BBX: variants seen among roughly 807,000 people sequenced by gnomAD.
BBX encodes HMG box transcription factor BBX.
In BBX, 30 loss-of-function variants were observed where a neutral mutation model predicts 100.2. The observed-to-expected ratio is 0.30, with a 90% confidence interval of 0.22 to 0.41. The LOEUF (loss-of-function observed/expected upper bound fraction) is 0.41. Ranked by LOEUF, BBX falls within the 10% of genes least tolerant of loss-of-function variation. The probability of loss-of-function intolerance (pLI) is 1.00; values close to 1 mark genes in which losing one functional copy is unlikely to be tolerated. For synonymous variants in BBX, 376 were observed against 388.1 expected (o/e 0.97, Z 0.37); for missense variants, 1,023 against 1,129.8 (o/e 0.91, Z 1.35).
chr3:107,774,850 C>A lies in BBX; in HGVS notation c.2047C>A (p.Leu683Ile). The change falls in exon 12 of 18, where the codon CTC (leucine) becomes ATC (isoleucine). Residue 683 changes from leucine to isoleucine, a missense_variant. Leu to Ile is a conservative substitution (Grantham distance 5). Transcript: ENST00000325805. ...GAAGACAAAGCCAAAAGAAGACTGT[C>A]TCCTTGGGTAAGTGCCTGTGAGCAC... ...FKKTKPKEDCLLGSAKLDEEF... is the reference protein window; with the variant it reads ...FKKTKPKEDCILGSAKLDEEF... The A allele has an allele frequency of 6.2e-7, 1 of 1,613,012 alleles. No homozygotes were observed. The highest frequency in any genetic ancestry group is 1.1e-5 in the South Asian group (1 of 90,994).
intron 3 of BBX, among the ~76,000 whole-genome samples, chr3:107,662,402 C>G (rs902887470): frequency 6.6e-6 from 1 of 152,122 alleles, no homozygotes; most frequent in Non-Finnish European, 1.5e-5. Context: ...GCTAACTTTA[C>G]TTCCAGTCTT....
intron 2 of BBX, among the ~76,000 whole-genome samples, chr3:107,604,872 G>T (rs1431056062): frequency 6.6e-6 from 1 of 151,958 alleles, no homozygotes; most frequent in Admixed American, 6.6e-5. Context: ...TTTATTACAT[G>T]TATACAGCAG....
intron 2 of BBX, among the ~76,000 whole-genome samples, chr3:107,631,163 G>A (rs1321171411): frequency 6.6e-6 from 1 of 152,186 alleles, no homozygotes; most frequent in Non-Finnish European, 1.5e-5. Context: ...CACCTGGACA[G>A]GAGTCTTTTC....
intron 3 of BBX, among the ~76,000 whole-genome samples, chr3:107,679,971 A>T (rs1365046018): frequency 2.0e-5 from 3 of 152,190 alleles, no homozygotes; most frequent in Non-Finnish European, 4.4e-5. Flanking sequence ...GTCTATCAGC[A>T]ATGAACAGCT....
chr3:107,684,936 A>G (rs577534429), intron 3 of BBX, among the ~76,000 whole-genome samples: 1 of 152,278 alleles, frequency 6.6e-6, no homozygotes, highest in South Asian at 2.1e-4. Flanking sequence ...GTCCTTTTTT[A>G]AGAGCTGTTT....
chr3:107,765,128 T>C (rs1251080553), intron 10 of BBX, among the ~76,000 whole-genome samples: 2 of 152,228 alleles, frequency 1.3e-5, no homozygotes, highest in African/African-American at 4.8e-5. Flanking sequence ...AGACATGTCA[T>C]GCTATTAATG....
chr3:107,655,957 T>C (rs554934540), intron 3 of BBX, among the ~76,000 whole-genome samples: 13 of 152,072 alleles, frequency 8.5e-5, no homozygotes. Context: ...ATCTTGGCCT[T>C]CCAAAGTGCT....
At chr3:107,585,556 T>G (rs1047323334) in intron 2 of BBX, among the ~76,000 whole-genome samples, 5 of 152,122 alleles carry the variant, frequency 3.3e-5, no homozygotes, top group African/African-American at 1.2e-4. Context: ...CCTAAGAAGC[T>G]CCCCTCCCCG....
At chr3:107,628,448 CA>C (rs1464770754) in intron 2 of BBX, among the ~76,000 whole-genome samples, 6 of 151,644 alleles carry the variant, frequency 4.0e-5, no homozygotes, top group African/African-American at 1.2e-4. Flanking sequence ...TGTCAAAATA[CA>C]AAACTAATCA....
chr3:107,589,279 A>C (rs906635718), intron 2 of BBX, among the ~76,000 whole-genome samples: 1 of 152,220 alleles, frequency 6.6e-6, no homozygotes, highest in African/African-American at 2.4e-5. Flanking sequence ...AAGGTCAATA[A>C]ATAAGTGTAT....
At chr3:107,767,166 A>AT (rs2066461442) in intron 10 of BBX, among the ~76,000 whole-genome samples, 1 of 152,226 alleles carries the variant, frequency 6.6e-6, no homozygotes, top group Non-Finnish European at 1.5e-5. Flanking sequence ...AACTGTGCAC[A>AT]TTCTGCATAT....
intron 2 of BBX, among the ~76,000 whole-genome samples, chr3:107,581,245 CTT>C (rs893088386): frequency 2.0e-5 from 3 of 152,038 alleles, no homozygotes; most frequent in Admixed American, 6.6e-5. Flanking sequence ...TTATTATACA[CTT>C]ATATATATAT....
intron 3 of BBX, among the ~76,000 whole-genome samples, chr3:107,703,265 G>T (rs574844710): frequency 8.5e-4 from 129 of 152,320 alleles, no homozygotes; most frequent in Non-Finnish European, 1.6e-3. Context: ...GAAAACAGAA[G>T]GTTGCATTTT....
chr3:107,689,440 C>T (rs1364353388), intron 3 of BBX, among the ~76,000 whole-genome samples: 1 of 152,116 alleles, frequency 6.6e-6, no homozygotes, highest in African/African-American at 2.4e-5. Flanking sequence ...CCACTTCTGC[C>T]TCAGAAAAAT....
At chr3:107,678,720 G>A (rs141201714) in intron 3 of BBX, among the ~76,000 whole-genome samples, 6 of 151,980 alleles carry the variant, frequency 3.9e-5, no homozygotes, top group Non-Finnish European at 2.9e-5. Context: ...GGGCAAGACC[G>A]TTTCTCAAGA....
intron 15 of BBX, among the ~76,000 whole-genome samples, chr3:107,797,352 A>G (rs1229134560): frequency 4.8e-5 from 6 of 123,832 alleles, no homozygotes; most frequent in Non-Finnish European, 1.0e-4. Context: ...ATATATATAT[A>G]TATATATATA....
intron 2 of BBX, among the ~76,000 whole-genome samples, chr3:107,568,326 G>A (rs1374738305): frequency 6.7e-6 from 1 of 149,202 alleles, no homozygotes; most frequent in Admixed American, 6.7e-5. Context: ...GTGCAGTGGC[G>A]GAATCTCGGC....
intron 10 of BBX, 84 bp downstream of exon 10, chr3:107,755,762 C>T (rs2065425659): frequency 8.7e-7 from 1 of 1,149,160 alleles, no homozygotes; most frequent in Non-Finnish European, 1.3e-6. Context: ...TAAACTGTAC[C>T]ATCTCTCCTG....
intron 3 of BBX, among the ~76,000 whole-genome samples, chr3:107,669,265 A>G (rs2058906238): frequency 6.6e-6 from 1 of 152,130 alleles, no homozygotes; most frequent in Non-Finnish European, 1.5e-5. Flanking sequence ...AGGAGATGTT[A>G]TTTTGCCTAG....
Sources: gnomAD v4.1 joint callset for allele counts (sites outside exome capture counted in the v4.1 genomes callset) on GRCh38, gnomAD v4.1.1 for gene constraint, MANE v1.5 for transcripts, NCBI Gene and HGNC (gene_info 2026-07-23, HGNC 2026-07-21) for gene names.